The following GPHN variants were observed in gnomAD, a reference collection of about 807,000 sequenced individuals.
GPHN encodes gephyrin.
GPHN carries 17 observed loss-of-function variants against 95.5 expected under a neutral mutation model. The observed-to-expected ratio is 0.18, with a 90% CI of 0.12 to 0.27. The LOEUF (loss-of-function observed/expected upper bound fraction) is 0.27, where lower values mean the gene tolerates loss of function less well. GPHN is among the 10% of genes least tolerant of loss of function. The pLI is 1.00. For synonymous variants in GPHN, 320 were observed against 322.5 expected, an observed-to-expected ratio of 0.99 and a Z score of 0.08; for missense variants, 660 against 978.1, an observed-to-expected ratio of 0.67 and a Z score of 4.34.
chr14:67,363,153 T>C, the GPHN span, among the ~76,000 whole-genome samples: 3 of 152,192 alleles, frequency 2.0e-5, no homozygotes, highest in African/African-American at 7.2e-5. Flanking sequence ...TTGAAACTTT[T>C]TAGCTCTCAA....
chr14:67,009,332 CA>C (rs2072823988), intron 9 of GPHN, among the ~76,000 whole-genome samples: 1 of 152,044 alleles, frequency 6.6e-6, no homozygotes, highest in South Asian at 2.1e-4. Context: ...AAATTCTAGG[CA>C]AGTAGCTCAC....
chr14:67,562,498 T>C, the GPHN span: 8 of 1,612,388 alleles, frequency 5.0e-6, no homozygotes, highest in South Asian at 8.8e-5. Context: ...TGGTTACTGC[T>C]CAGAGAGGGA....
chr14:67,393,361 A>G, the GPHN span: 5 of 755,590 alleles, frequency 6.6e-6, no homozygotes, highest in Non-Finnish European at 1.2e-5. Context: ...ACACATCACA[A>G]AGAAAAGGGG....
At chr14:67,291,612 A>G in the GPHN span, among the ~76,000 whole-genome samples, 1 of 152,164 alleles carries the variant, frequency 6.6e-6, no homozygotes, top group Non-Finnish European at 1.5e-5. Flanking sequence ...TTTTAGAATA[A>G]CGTTTTCCAG....
chr14:66,591,064 T>C (rs1009810173), intron 1 of GPHN, among the ~76,000 whole-genome samples: 18 of 152,178 alleles, frequency 1.2e-4, no homozygotes, highest in African/African-American at 4.3e-4. Flanking sequence ...ACCACATGAT[T>C]ATCTCAATAG....
intron 9 of GPHN, among the ~76,000 whole-genome samples, chr14:66,999,071 A>C (rs890343769): frequency 6.6e-6 from 1 of 151,950 alleles, no homozygotes; most frequent in African/African-American, 2.4e-5. Context: ...TATCTTGCCG[A>C]TCATAAAGCT....
chr14:67,161,050 G>A (rs1454481104), intron 19 of GPHN, among the ~76,000 whole-genome samples: 1 of 152,160 alleles, frequency 6.6e-6, no homozygotes, highest in Non-Finnish European at 1.5e-5. Context: ...CCAACACTTT[G>A]GGATGCTGAA....
chr14:67,267,512 A>G, the GPHN span, among the ~76,000 whole-genome samples: 6 of 151,708 alleles, frequency 4.0e-5, no homozygotes, highest in Non-Finnish European at 5.9e-5. Flanking sequence ...TGGCCTCCCA[A>G]AGTGCTGGGA....
intron 5 of GPHN, among the ~76,000 whole-genome samples, chr14:66,901,981 A>C (rs1210716504): frequency 1.3e-5 from 2 of 152,016 alleles, no homozygotes; most frequent in Non-Finnish European, 2.9e-5. Context: ...TGGTCATTTT[A>C]ACAATATTCT....
At chr14:67,135,837 G>C (rs1325044665) in intron 17 of GPHN, among the ~76,000 whole-genome samples, 1 of 151,820 alleles carries the variant, frequency 6.6e-6, no homozygotes, top group South Asian at 2.1e-4. Flanking sequence ...TAGTATGTCA[G>C]TCTCTTGCTC....
rs151333765 is a variant in GPHN, at chr14:66,673,689, G to A, written c.65-7418G>A. Among the ~76,000 whole-genome samples the A allele has an allele frequency of 8.4e-4, 127 of 152,038 alleles. No homozygotes were observed. The East Asian group carries it at 0.021, about 25-fold the overall frequency. On this transcript the variant is annotated intron_variant, in intron 1 of 22. Transcript: ENST00000478722. ...TACCTTCATTTATTTCTTCTCTAACGCACTTTATTTAAGAAGATCTCAGTT... is the reference window on the plus strand; with the variant it reads ...TACCTTCATTTATTTCTTCTCTAACACACTTTATTTAAGAAGATCTCAGTT...
chr14:67,709,717 G>A, the GPHN span, among the ~76,000 whole-genome samples: 1 of 152,168 alleles, frequency 6.6e-6, no homozygotes, highest in Non-Finnish European at 1.5e-5. Flanking sequence ...GCCTGAAGAT[G>A]GGGGGCTTTA....
the GPHN span, among the ~76,000 whole-genome samples, chr14:67,314,400 A>G: frequency 2.0e-5 from 3 of 152,238 alleles, no homozygotes; most frequent in East Asian, 1.9e-4. Flanking sequence ...GAAAGCTTCA[A>G]ATTTCTCACT....
chr14:67,099,120 T>G (rs2077553183), intron 12 of GPHN, among the ~76,000 whole-genome samples: 1 of 151,846 alleles, frequency 6.6e-6, no homozygotes, highest in Non-Finnish European at 1.5e-5. Context: ...CTTTTTTTTT[T>G]TTTTTTGAGA....
intron 1 of GPHN, chr14:66,551,312 G>A (rs1436145216): frequency 6.6e-6 from 1 of 152,190 alleles, no homozygotes; most frequent in Non-Finnish European, 1.5e-5. Flanking sequence ...CTGTCTTTCA[G>A]TAACACTACT....
chr14:67,635,777 G>A, the GPHN span, among the ~76,000 whole-genome samples: 24 of 152,242 alleles, frequency 1.6e-4, no homozygotes, highest in South Asian at 1.7e-3. Context: ...TGCTTGATCC[G>A]GTGGGTGGAG....
chr14:67,317,659 C>A, the GPHN span, among the ~76,000 whole-genome samples: 1 of 152,128 alleles, frequency 6.6e-6, no homozygotes, highest in East Asian at 1.9e-4. Flanking sequence ...TACAAAAATT[C>A]AAGTACTATT....
At chr14:66,604,872 G>T (rs991867582) in intron 1 of GPHN, among the ~76,000 whole-genome samples, 6 of 115,328 alleles carry the variant, frequency 5.2e-5, no homozygotes, top group Non-Finnish European at 9.8e-5. Flanking sequence ...CCCTCCTTTA[G>T]ACAACTCTAA....
intron 5 of GPHN, among the ~76,000 whole-genome samples, chr14:66,915,482 T>C (rs148264684): frequency 6.6e-6 from 1 of 152,320 alleles, no homozygotes; most frequent in East Asian, 1.9e-4. Flanking sequence ...TTAAAATGCC[T>C]GTGATTATCA....
Sources: gnomAD v4.1 joint callset for allele counts (sites outside exome capture counted in the v4.1 genomes callset) on GRCh38, gnomAD v4.1.1 for gene constraint, MANE v1.5 for transcripts, NCBI Gene and HGNC (gene_info 2026-07-23, HGNC 2026-07-21) for gene names.